ANK3: variants seen among roughly 807,000 people sequenced by gnomAD.
ANK3 encodes the protein ankyrin 3, also known as ankyrin-3.
Under a neutral mutation model 370.9 loss-of-function variants are expected in ANK3, and 57 were observed. The ratio of observed to expected loss-of-function variants is 0.15; its 90% CI spans 0.12 to 0.19. The LOEUF (loss-of-function observed/expected upper bound fraction) is 0.19, where lower values mean the gene tolerates loss of function less well. ANK3 is among the 10% of genes least tolerant of loss of function. The probability of loss-of-function intolerance (pLI) is 1.00; values close to 1 mark genes in which losing one functional copy is unlikely to be tolerated. For synonymous variants in ANK3, 1,929 were observed against 1,946.3 expected (o/e 0.99, Z 0.23); for missense variants, 4,439 against 5,302.1 (o/e 0.84, Z 5.06).
At chr10:60,387,138 C>A (rs1194148201) in intron 1 of ANK3, among the ~76,000 whole-genome samples, 2 of 148,754 alleles carry the variant, frequency 1.3e-5, no homozygotes, top group Non-Finnish European at 3.0e-5. Context: ...CCAGCCTGGG[C>A]AACAAGAGTG....
intron 28 of ANK3, among the ~76,000 whole-genome samples, chr10:60,102,602 A>C (rs2091468737): frequency 6.6e-6 from 1 of 152,216 alleles, no homozygotes; most frequent in East Asian, 1.9e-4. Flanking sequence ...CCCAGGAGTT[A>C]TTCTACTAGT....
intron 28 of ANK3, among the ~76,000 whole-genome samples, chr10:60,096,797 T>C (rs988879629): frequency 1.3e-5 from 2 of 152,220 alleles, no homozygotes; most frequent in African/African-American, 4.8e-5. Flanking sequence ...TTATATGGTT[T>C]TGTTTTTTAA....
chr10:60,685,813 A>G (rs914480641), intron 1 of ANK3, among the ~76,000 whole-genome samples: 1 of 152,236 alleles, frequency 6.6e-6, no homozygotes, highest in African/African-American at 2.4e-5. Flanking sequence ...GAAAATGTAA[A>G]GAACAGAGGA....
intron 2 of ANK3, among the ~76,000 whole-genome samples, chr10:60,468,662 G>A (rs1307815789): frequency 6.6e-6 from 1 of 151,774 alleles, no homozygotes; most frequent in African/African-American, 2.4e-5. Flanking sequence ...TTACTAGATG[G>A]GTGAACTTTG....
chr10:60,423,859 C>T (rs1018361565), intron 2 of ANK3, among the ~76,000 whole-genome samples: 1 of 152,066 alleles, frequency 6.6e-6, no homozygotes. Flanking sequence ...TAGAGTGCCA[C>T]AGCACGCTGG....
At chr10:60,036,422 ATTTTTTTTTTTTTTTT>A (rs563946588) in intron 43 of ANK3, among the ~76,000 whole-genome samples, 7 of 72,290 alleles carry the variant, frequency 9.7e-5, no homozygotes, top group South Asian at 7.3e-4. Flanking sequence ...GTCAGAGGCA[ATTTTTTTTTTTTTTTT>A]TTTTTTTTTT....
rs1473005286 is a variant in ANK3, at chr10:60,028,227, C to G, written c.*1619G>C. 1 of 152,362 alleles carries G rather than the reference C, an allele frequency of 6.6e-6. No homozygotes were observed. The highest frequency in any genetic ancestry group is 1.5e-5 in the Non-Finnish European group (1 of 68,032). 9.4% of individuals were successfully genotyped at this position (152,362 alleles called of 1,614,324 possible). A position where few individuals can be genotyped will look rare whatever the true frequency, so the allele number is the denominator to read the frequency against. ...TAATTCTTGGCTCCCCCATGAAATGCACAGAATTTATAAGCTGGGAGCTTG... is the reference window on the plus strand; with the variant it reads ...TAATTCTTGGCTCCCCCATGAAATGGACAGAATTTATAAGCTGGGAGCTTG... On this transcript the variant is annotated 3_prime_UTR_variant, in exon 44 of 44. Coordinates refer to ENST00000280772, the MANE Select transcript of ANK3 (RefSeq NM_020987.5).
intron 2 of ANK3, among the ~76,000 whole-genome samples, chr10:60,395,177 T>C (rs150769698): frequency 0.01 from 1,570 of 152,298 alleles, 40 homozygotes; most frequent in African/African-American, 0.036. Context: ...AGATCAAATA[T>C]TTCTGACAAA....
chr10:60,114,855 G>A lies in ANK3; in HGVS notation c.2842-524C>T, dbSNP rs76529051. Among the ~76,000 whole-genome samples the A allele has an allele frequency of 5.6e-3, 854 of 152,258 alleles. 7 individuals are homozygous for A. Among genetic ancestry groups the A allele is most frequent in the African/African-American group, 0.019 (805 of 41,552 alleles). ...GAACTAAAAGAACTACCAAACTCTG[G>A]GAGGGTGAACATCTTCAGGAGTTGA... On this transcript the variant is annotated intron_variant, in intron 25 of 43. Transcript: ENST00000280772.
At chr10:60,506,848 T>C (rs1348101289) in intron 2 of ANK3, among the ~76,000 whole-genome samples, 1 of 152,108 alleles carries the variant, frequency 6.6e-6, no homozygotes, top group Non-Finnish European at 1.5e-5. Context: ...CATCCAAATT[T>C]TTTTTAAAAG....
intron 20 of ANK3, 87 bp downstream of exon 20, chr10:60,172,812 GA>G (rs2095828961): frequency 1.3e-6 from 1 of 796,850 alleles, no homozygotes; most frequent in Admixed American, 2.5e-5. Context: ...GCCTCTTCAT[GA>G]AAGTACAATG....
At chr10:60,195,277 G>A (rs940843833) in intron 16 of ANK3, among the ~76,000 whole-genome samples, 2 of 151,944 alleles carry the variant, frequency 1.3e-5, no homozygotes, top group South Asian at 2.1e-4. Context: ...CCAGCTACTC[G>A]GGAGGCTGAG....
chr10:60,664,043 A>G (rs1009380852), intron 1 of ANK3, among the ~76,000 whole-genome samples: 3 of 152,210 alleles, frequency 2.0e-5, no homozygotes, highest in African/African-American at 7.2e-5. Context: ...CTTCCTGGGA[A>G]CATAAATGCA....
In ANK3 at chr10:60,075,180, T is replaced by C. The variant is rs2083499421; in HGVS notation, c.5701A>G (p.Ile1901Val). 6.2e-7 allele frequency: 1 copy of C among 1,614,006 alleles called. No homozygotes were observed. Among genetic ancestry groups the C allele is most frequent in the Admixed American group, 1.7e-5 (1 of 59,988 alleles). ...TTCATTTCAGCTACATCTTTTAGTA[T>C]CTCCTGACTGGAAGATAAAGAAGAT... ...TPSSLSSSQE[I>V]LKDVAEMKED... The change falls in exon 37 of 44, where the codon ATA (isoleucine) becomes GTA (valine). Residue 1901 changes from isoleucine to valine, a missense_variant. Transcript: ENST00000280772.
At chr10:60,476,667 T>C (rs1366410348) in intron 2 of ANK3, among the ~76,000 whole-genome samples, 2 of 152,138 alleles carry the variant, frequency 1.3e-5, no homozygotes, top group Non-Finnish European at 2.9e-5. Context: ...CAGTCAAAAT[T>C]CTGGATATAA....
At chr10:60,711,092 T>C (rs1389208449) in intron 1 of ANK3, among the ~76,000 whole-genome samples, 1 of 152,092 alleles carries the variant, frequency 6.6e-6, no homozygotes, top group Non-Finnish European at 1.5e-5. Context: ...TTTGGCCCAG[T>C]CAAGGGGACA....
intron 42 of ANK3, among the ~76,000 whole-genome samples, chr10:60,051,767 A>G (rs2078073882): frequency 7.5e-6 from 1 of 133,192 alleles, no homozygotes. Context: ...CAGGATTCTA[A>G]GTGAAATTAC....
intron 2 of ANK3, among the ~76,000 whole-genome samples, chr10:60,438,774 T>C (rs533888509): frequency 6.6e-6 from 1 of 152,334 alleles, no homozygotes; most frequent in South Asian, 2.1e-4. Flanking sequence ...GGAAAGTGCA[T>C]CAGACCTCTG....
chr10:60,410,561 A>C (rs932425893), intron 2 of ANK3, among the ~76,000 whole-genome samples: 1 of 152,176 alleles, frequency 6.6e-6, no homozygotes, highest in Non-Finnish European at 1.5e-5. Flanking sequence ...GATATTTTTC[A>C]AACAATTTTC....
Sources: allele counts gnomAD v4.1 joint callset (sites outside exome capture counted in the v4.1 genomes callset), GRCh38; gene constraint gnomAD v4.1.1; transcripts MANE v1.5; gene names NCBI Gene and HGNC (gene_info 2026-07-23, HGNC 2026-07-21).